PGM5: variants seen among roughly 807,000 people sequenced by gnomAD.
PGM5 encodes phosphoglucomutase-like protein 5.
Under a neutral mutation model 59.2 loss-of-function variants are expected in PGM5, and 23 were observed. The ratio of observed to expected loss-of-function variants is 0.39; its 90% CI spans 0.28 to 0.55. The LOEUF (loss-of-function observed/expected upper bound fraction) is 0.55, where lower values mean the gene tolerates loss of function less well. Among genes scored for constraint, PGM5 ranks in the 20% least tolerant of loss-of-function variants. The pLI, the probability that PGM5 is intolerant of heterozygous loss-of-function variation, is 0.66. For missense variants in PGM5, 574 were observed against 748.3 expected, an observed-to-expected ratio of 0.77 and a Z score of 2.72; for synonymous variants, 214 against 286.0, an observed-to-expected ratio of 0.75 and a Z score of 2.54.
chr9:68,376,707 A>T (rs1205811191), intron 1 of PGM5, among the ~76,000 whole-genome samples: 6 of 151,940 alleles, frequency 3.9e-5, no homozygotes, highest in African/African-American at 1.5e-4. Flanking sequence ...AGAGGAGAGG[A>T]TCTTATTAAA....
At chr9:68,364,301 A>G (rs1834637837) in intron 1 of PGM5, among the ~76,000 whole-genome samples, 1 of 152,120 alleles carries the variant, frequency 6.6e-6, no homozygotes, top group Non-Finnish European at 1.5e-5. Context: ...TGCTCTAAAG[A>G]ATGAGAATAT....
At chr9:68,455,056 CT>C (rs1823752025) in intron 6 of PGM5, among the ~76,000 whole-genome samples, 1 of 152,204 alleles carries the variant, frequency 6.6e-6, no homozygotes, top group Non-Finnish European at 1.5e-5. Context: ...GGGTGGCTGC[CT>C]GTGCATCCCT....
intron 9 of PGM5, among the ~76,000 whole-genome samples, chr9:68,495,162 G>A (rs528844015): frequency 6.6e-6 from 1 of 152,208 alleles, no homozygotes; most frequent in Non-Finnish European, 1.5e-5. Context: ...GGTTAACACT[G>A]CGGTGGAAAC....
chr9:68,504,356 G>A (rs994692364), intron 10 of PGM5, among the ~76,000 whole-genome samples: 1 of 152,150 alleles, frequency 6.6e-6, no homozygotes, highest in Non-Finnish European at 1.5e-5. Flanking sequence ...AGCTCTGATA[G>A]AATCCTCCCC....
intron 6 of PGM5, among the ~76,000 whole-genome samples, chr9:68,418,575 G>A (rs533561406): frequency 3.3e-5 from 5 of 152,042 alleles, no homozygotes; most frequent in Admixed American, 2.0e-4. Context: ...AGAAATCTCC[G>A]ATGCTGCAGC....
intron 1 of PGM5, among the ~76,000 whole-genome samples, chr9:68,359,926 C>A (rs1554676152): frequency 1.3e-5 from 2 of 152,184 alleles, no homozygotes; most frequent in Non-Finnish European, 2.9e-5. Flanking sequence ...TCACTGTAGC[C>A]TTGACCTCCC....
chr9:68,479,543 T>A lies in PGM5; in HGVS notation c.1285T>A (p.Tyr429Asn). The A allele has an allele frequency of 6.2e-7, 1 of 1,613,990 alleles. No homozygotes were observed. The highest frequency in any genetic ancestry group is 8.5e-7 in the Non-Finnish European group (1 of 1,179,934). Reference protein sequence around the residue: ...RDHWAKFGRHYYCRFDYEGLD... With the variant: ...RDHWAKFGRHNYCRFDYEGLD... ...TCACTGGGCCAAATTTGGCCGCCAC[T>A]ACTATTGCAGGTGAGGAGAAGGGGA... Residue 429 changes from tyrosine to asparagine, a missense_variant, in exon 8 of 11, where the codon TAC (tyrosine) becomes AAC (asparagine). Coordinates refer to ENST00000396396, the MANE Select transcript of PGM5 (RefSeq NM_021965.4).
At chr9:68,380,369 A>G (rs1822036640) in intron 2 of PGM5, among the ~76,000 whole-genome samples, 2 of 152,036 alleles carry the variant, frequency 1.3e-5, no homozygotes, top group South Asian at 4.1e-4. Flanking sequence ...GAAGAAATCA[A>G]CAGGGAAATT....
intron 6 of PGM5, among the ~76,000 whole-genome samples, chr9:68,444,961 C>A (rs1200154219): frequency 6.6e-6 from 1 of 152,172 alleles, no homozygotes; most frequent in African/African-American, 2.4e-5. Context: ...GACCCCAGGG[C>A]AAGTCAGTTA....
In PGM5 at chr9:68,356,713, C is replaced by T. The variant is rs1209840665; in HGVS notation, c.-415C>T. Among the ~76,000 whole-genome samples the T allele has an allele frequency of 6.6e-6, 1 of 152,176 alleles. No homozygotes were observed. Among genetic ancestry groups the T allele is most frequent in the Non-Finnish European group, 1.5e-5 (1 of 68,030 alleles). ...GGCTGTTTTCTGGCGGAGGGTGTGC[C>T]CCGGAGGGCGGCGATCGCGGGTGAA... On this transcript the variant is annotated 5_prime_UTR_variant, in exon 1 of 11. Transcript: ENST00000396396.
At chr9:68,413,647 T>C (rs1822974651) in intron 6 of PGM5, among the ~76,000 whole-genome samples, 1 of 152,238 alleles carries the variant, frequency 6.6e-6, no homozygotes, top group South Asian at 2.1e-4. Flanking sequence ...TATCAGTGCA[T>C]CTGTGATACT....
intron 8 of PGM5, among the ~76,000 whole-genome samples, chr9:68,480,470 C>T (rs979548723): frequency 3.9e-5 from 6 of 151,998 alleles, no homozygotes; most frequent in East Asian, 1.9e-4. Context: ...TTTGGGAGGC[C>T]GAGGCAGGCG....
chr9:68,419,349 G>A (rs1564000556), intron 6 of PGM5, among the ~76,000 whole-genome samples: 2 of 152,194 alleles, frequency 1.3e-5, no homozygotes, highest in African/African-American at 4.8e-5. Context: ...GGGCAAAACA[G>A]CAAAACACAA....
chr9:68,415,089 A>C (rs2132042177), intron 6 of PGM5, among the ~76,000 whole-genome samples: 1 of 149,566 alleles, frequency 6.7e-6, no homozygotes, highest in East Asian at 2.0e-4. Context: ...TCATGTCATA[A>C]GGAGCCAATT....
At chr9:68,384,768 C>A (rs1351121075) in intron 3 of PGM5, among the ~76,000 whole-genome samples, 1 of 148,916 alleles carries the variant, frequency 6.7e-6, no homozygotes, top group African/African-American at 2.5e-5. Context: ...ATATCATTTT[C>A]AACATAGGAA....
At chr9:68,418,933 C>T (rs1007496203) in intron 6 of PGM5, among the ~76,000 whole-genome samples, 5 of 152,056 alleles carry the variant, frequency 3.3e-5, no homozygotes, top group South Asian at 4.2e-4. Context: ...CAGGCTTATG[C>T]GAGCTTTATA....
At chr9:68,386,194 T>C (rs1822213135) in intron 3 of PGM5, among the ~76,000 whole-genome samples, 2 of 152,012 alleles carry the variant, frequency 1.3e-5, no homozygotes, top group South Asian at 4.1e-4. Context: ...GAGTAAAACT[T>C]CCAAAGTACT....
chr9:68,501,848 T>C (rs1824579350), intron 10 of PGM5, among the ~76,000 whole-genome samples: 1 of 152,234 alleles, frequency 6.6e-6, no homozygotes, highest in South Asian at 2.1e-4. Flanking sequence ...TTCCAGACAT[T>C]TTGAACACAT....
At chr9:68,384,897 T>C (rs1554678718) in intron 3 of PGM5, among the ~76,000 whole-genome samples, 1 of 150,756 alleles carries the variant, frequency 6.6e-6, no homozygotes, top group Non-Finnish European at 1.5e-5. Flanking sequence ...ACCTAACAAG[T>C]CAATGGGTTA....
Sources: allele counts gnomAD v4.1 joint callset (sites outside exome capture counted in the v4.1 genomes callset), GRCh38; gene constraint gnomAD v4.1.1; transcripts MANE v1.5; gene names NCBI Gene and HGNC (gene_info 2026-07-23, HGNC 2026-07-21).